RPE65: variants seen among roughly 807,000 people sequenced by gnomAD.
RPE65 encodes retinoid isomerohydrolase RPE65, also known as retinoid isomerohydrolase.
A neutral mutation model predicts 68.5 loss-of-function variants in RPE65; 58 were observed. That is an observed-to-expected ratio of 0.85 (90% confidence interval 0.69 to 1.05). RPE65 has a LOEUF of 1.05. RPE65 is among the 50% of genes least tolerant of loss of function. RPE65 has a pLI of 0.00. For missense variants in RPE65, 643 were observed against 629.9 expected, an observed-to-expected ratio of 1.02 and a Z score of -0.22; for synonymous variants, 220 against 222.2, an observed-to-expected ratio of 0.99 and a Z score of 0.09.
In RPE65 at chr1:68,444,535, T is replaced by C; in HGVS notation, c.491A>G (p.Lys164Arg). ...TCACCTAGCACTGTGTCCCACCTGC[T>C]TAATTGTCTCCAAGGTCTCTGGATT... ...KINPETLETI[K>R]QVDLCNYVSV... The change falls in exon 5 of 14, where the codon AAG becomes AGG. Residue 164 changes from lysine (K) to arginine (R), a missense_variant. Coordinates refer to ENST00000262340, the MANE Select transcript of RPE65 (RefSeq NM_000329.3). 1.2e-6 allele frequency: 2 copies of C among 1,614,172 alleles called. No individual in the cohort carries two copies. Among genetic ancestry groups the C allele is most frequent in the South Asian group, 1.1e-5 (1 of 91,082 alleles).
chr1:68,448,352 CAGGCACTGAGCT>C (rs1323819999), intron 2 of RPE65, among the ~76,000 whole-genome samples: 1 of 152,174 alleles, frequency 6.6e-6, no homozygotes, highest in Admixed American at 6.5e-5. Flanking sequence ...TACTATGTGC[CAGGCACTGAGCT>C]AGGCACTGAC....
chr1:68,442,399 A>G (rs1431440761), intron 5 of RPE65, among the ~76,000 whole-genome samples: 2 of 152,256 alleles, frequency 1.3e-5, no homozygotes, highest in African/African-American at 2.4e-5. Context: ...CCTGGCTGCC[A>G]TGAAGGGCAT....
At chr1:68,435,995 C>T (rs552840070) in intron 10 of RPE65, among the ~76,000 whole-genome samples, 27 of 152,340 alleles carry the variant, frequency 1.8e-4, no homozygotes, top group South Asian at 6.2e-4. Context: ...TGATGTTAGA[C>T]ATTTTTTATG....
chr1:68,439,051 T>C lies in RPE65; in HGVS notation c.889A>G (p.Lys297Glu). Residue 297 changes from lysine to glutamate, a missense_variant, in exon 9 of 14, where the codon AAA becomes GAA. By Grantham distance (56) the Lys-to-Glu change is moderately conservative. Transcript: ENST00000262340. ...VWLHIADKKR[K>E]KYLNNKYRTS... Reference sequence around the variant, plus strand: ...CTGTATTTATTATTGAGGTACTTTTTCCTTTTTTTGTCAGCAATATGAAGC... The same window carrying C: ...CTGTATTTATTATTGAGGTACTTTTCCCTTTTTTTGTCAGCAATATGAAGC... The C allele has an allele frequency of 6.2e-7, 1 of 1,614,118 alleles. No homozygotes were observed. Among genetic ancestry groups the C allele is most frequent in the South Asian group, 1.1e-5 (1 of 91,078 alleles).
rs1418421043 is a variant in RPE65 at position 68,448,613 on chromosome 1, G to T, written c.94+11C>A. 1.2e-5 allele frequency: 19 copies of T among 1,613,356 alleles called. No individual in the cohort carries two copies. Among genetic ancestry groups the T allele is most frequent in the Non-Finnish European group, 1.4e-5 (17 of 1,179,618 alleles). On this transcript the variant is annotated intron_variant, in intron 2 of 13. Transcript: ENST00000262340. ...ATAAAAGAGGATGGCTTCAAGATGG[G>T]CGAGACCAACCTGTTACATGAGCTG...
rs1457496282 is a variant in RPE65 at position 68,438,150 on chromosome 1, T to A, written c.1128+37A>T. The stretch of plus-strand genomic sequence containing the variant: ...ACAATTCCTGAGAGAGATGAAACAT[T>A]CTGGTTAAATCTGAAATCTACAGAG... On this transcript the variant is annotated intron_variant, in intron 10 of 13. Transcript: ENST00000262340. The A allele has an allele frequency of 7.4e-6, 12 of 1,612,210 alleles. No individual in the cohort carries two copies. In the Admixed American group the frequency reaches 8.3e-5, roughly 11 times the overall value.
intron 10 of RPE65, among the ~76,000 whole-genome samples, chr1:68,435,377 C>T (rs1645853868): frequency 6.6e-6 from 1 of 152,004 alleles, no homozygotes; most frequent in Non-Finnish European, 1.5e-5. Context: ...TATGATTTCC[C>T]CCCCTGCCTG....
intron 5 of RPE65, among the ~76,000 whole-genome samples, chr1:68,443,308 T>A (rs202144873): frequency 6.6e-6 from 1 of 152,192 alleles, no homozygotes; most frequent in Admixed American, 6.5e-5. Flanking sequence ...TGGGTTTGTA[T>A]AATGATTGAA....
At chr1:68,449,780 A>G (rs920686918) in intron 1 of RPE65, 115 bp downstream of exon 1, 2 of 1,263,292 alleles carry the variant, frequency 1.6e-6, no homozygotes, top group Admixed American at 1.9e-5. Context: ...CCAAAATTCA[A>G]GGGTCTTTCC....
At chr1:68,441,297 A>G (rs1167871488) in intron 5 of RPE65, among the ~76,000 whole-genome samples, 1 of 152,228 alleles carries the variant, frequency 6.6e-6, no homozygotes, top group African/African-American at 2.4e-5. Flanking sequence ...ACCTGAAACC[A>G]TAAGTTTGAG....
chr1:68,441,083 C>G, intron 5 of RPE65, 83 bp from the exon 6 acceptor site: 1 of 1,486,558 alleles, frequency 6.7e-7, no homozygotes, highest in Non-Finnish European at 9.3e-7. Context: ...GTCATCACTA[C>G]CCCTTGAACT....
chr1:68,441,733 C>T (rs552261532), intron 5 of RPE65, among the ~76,000 whole-genome samples: 3 of 152,138 alleles, frequency 2.0e-5, no homozygotes, highest in Non-Finnish European at 2.9e-5. Context: ...CACCTGGGAC[C>T]TACTTGGTAA....
At chr1:68,449,021 T>C (rs963618294) in intron 1 of RPE65, among the ~76,000 whole-genome samples, 21 of 152,112 alleles carry the variant, frequency 1.4e-4, no homozygotes, top group African/African-American at 4.8e-4. Flanking sequence ...TCCTCTGCAG[T>C]TTTTCCTTAC....
At chr1:68,441,086 C>G (rs542288611) in intron 5 of RPE65, 86 bp from the exon 6 acceptor site, 8 of 1,469,652 alleles carry the variant, frequency 5.4e-6, no homozygotes, top group Non-Finnish European at 7.5e-6. Context: ...ATCACTACCC[C>G]TTGAACTCTC....
intron 13 of RPE65, among the ~76,000 whole-genome samples, chr1:68,430,230 C>T (rs1645816417): frequency 6.6e-6 from 1 of 152,184 alleles, no homozygotes; most frequent in Non-Finnish European, 1.5e-5. Flanking sequence ...ATTAAATACT[C>T]ACTGAATAAA....
At chr1:68,444,940 T>C in intron 3 of RPE65, 57 bp from the exon 4 acceptor site, 4 of 1,482,090 alleles carry the variant, frequency 2.7e-6, no homozygotes, top group Non-Finnish European at 3.8e-6. Flanking sequence ...GTACAGCCCA[T>C]GTGGAGCTTA....
intron 2 of RPE65, 57 bp from the exon 3 acceptor site, chr1:68,446,917 T>C: frequency 6.2e-7 from 1 of 1,610,730 alleles, no homozygotes; most frequent in Non-Finnish European, 8.5e-7. Context: ...GCTAGGCTTG[T>C]CCTTGGTAAG....
At chr1:68,449,869 TA>T in intron 1 of RPE65, 25 bp downstream of exon 1, 1 of 1,613,642 alleles carries the variant, frequency 6.2e-7, no homozygotes, top group Non-Finnish European at 8.5e-7. Context: ...GAAGGTGTTT[TA>T]AAAAAGTCTC....
rs376333739 is a variant in RPE65, at chr1:68,448,579, G to A, written c.94+45C>T. The A allele has an allele frequency of 3.8e-6, 6 of 1,560,246 alleles. No individual in the cohort carries two copies. In the African/African-American group the frequency reaches 6.8e-5, roughly 18 times the overall value. On this transcript the variant is annotated intron_variant, in intron 2 of 13. Coordinates refer to ENST00000262340, the MANE Select transcript of RPE65 (RefSeq NM_000329.3). ...CCAAGGAATAGGAAGCCAGAGAAGAGAGACTGACATAAAAGAGGATGGCTT... is the reference window on the plus strand; with the variant it reads ...CCAAGGAATAGGAAGCCAGAGAAGAAAGACTGACATAAAAGAGGATGGCTT...
Sources: gnomAD v4.1 joint callset for allele counts (sites outside exome capture counted in the v4.1 genomes callset) on GRCh38, gnomAD v4.1.1 for gene constraint, MANE v1.5 for transcripts, NCBI Gene and HGNC (gene_info 2026-07-23, HGNC 2026-07-21) for gene names.